Variants in ERBB4 observed in about 807,000 individuals in gnomAD.
ERBB4 encodes erb-b2 receptor tyrosine kinase 4, also known as receptor tyrosine-protein kinase erbB-4.
Under a neutral mutation model 158.0 loss-of-function variants are expected in ERBB4, and 42 were observed. That is an observed-to-expected ratio of 0.27 (90% CI 0.21 to 0.34). The LOEUF is 0.34. Ranked by LOEUF, ERBB4 falls within the 10% of genes least tolerant of loss-of-function variation. The pLI is 1.00. For missense variants in ERBB4, 1,333 were observed against 1,624.1 expected, an observed-to-expected ratio of 0.82 and a Z score of 3.08; for synonymous variants, 583 against 558.7, an observed-to-expected ratio of 1.04 and a Z score of -0.61.
rs1049729714 is a variant in ERBB4 at position 212,230,458 on chromosome 2, T to C, written c.83-105555A>G. ...ATGCAAAATTGGCTTTCAGAGGCTA[T>C]TGAGGTAAAATATATTTTTGTCAAA... On this transcript the variant is annotated intron_variant, in intron 1 of 27. Coordinates refer to ENST00000342788, the MANE Select transcript of ERBB4 (RefSeq NM_005235.3). Among the ~76,000 whole-genome samples, 4 of 152,188 alleles carry C rather than the reference T, an allele frequency of 2.6e-5. No homozygotes were observed. The South Asian group carries it at 6.2e-4, about 24-fold the overall frequency.
intron 3 of ERBB4, among the ~76,000 whole-genome samples, chr2:211,854,478 A>C (rs13028597): frequency 1.3e-5 from 2 of 152,130 alleles, no homozygotes; most frequent in East Asian, 3.9e-4. Flanking sequence ...GTGTCCCTTC[A>C]CAATTGCTAC....
intron 1 of ERBB4, among the ~76,000 whole-genome samples, chr2:212,414,424 A>C (rs2091592468): frequency 6.6e-6 from 1 of 152,172 alleles, no homozygotes; most frequent in African/African-American, 2.4e-5. Flanking sequence ...CTTGCGTACC[A>C]GAAGTTCATC....
intron 20 of ERBB4, among the ~76,000 whole-genome samples, chr2:211,460,026 C>T (rs1464348813): frequency 6.6e-6 from 1 of 151,918 alleles, no homozygotes; most frequent in East Asian, 1.9e-4. Context: ...TTAACATTTT[C>T]CCTTTATTCA....
intron 1 of ERBB4, among the ~76,000 whole-genome samples, chr2:212,506,834 C>T (rs1044141873): frequency 4.6e-5 from 7 of 152,166 alleles, no homozygotes; most frequent in Non-Finnish European, 8.8e-5. Context: ...GTAGAATCTG[C>T]AGCAAGTTAT....
chr2:212,321,161 A>G (rs1274642231), intron 1 of ERBB4, among the ~76,000 whole-genome samples: 1 of 150,338 alleles, frequency 6.7e-6, no homozygotes, highest in African/African-American at 2.4e-5. Flanking sequence ...TGTAACATGC[A>G]CTATGTTATT....
chr2:211,663,119 A>G (rs2071494674), intron 15 of ERBB4, among the ~76,000 whole-genome samples: 1 of 152,192 alleles, frequency 6.6e-6, no homozygotes, highest in African/African-American at 2.4e-5. Context: ...TGCTTCAGTA[A>G]AATATCTCAA....
intron 2 of ERBB4, among the ~76,000 whole-genome samples, chr2:212,055,276 G>C (rs574941589): frequency 2.6e-5 from 4 of 152,336 alleles, no homozygotes; most frequent in Non-Finnish European, 5.9e-5. Context: ...GCTGAGGCTT[G>C]AGTAGGTAAA....
intron 1 of ERBB4, among the ~76,000 whole-genome samples, chr2:212,404,463 A>C (rs1574856315): frequency 6.6e-6 from 1 of 152,172 alleles, no homozygotes; most frequent in Middle Eastern, 3.4e-3. Context: ...CTATGTGCCC[A>C]ACACCTAGTG....
At chr2:211,931,342 A>G (rs2080169625) in intron 3 of ERBB4, among the ~76,000 whole-genome samples, 1 of 152,146 alleles carries the variant, frequency 6.6e-6, no homozygotes, top group South Asian at 2.1e-4. Flanking sequence ...TCTCTATGCC[A>G]GAAAATAAAT....
At position 212,249,071 on chromosome 2, in the gene ERBB4, C is replaced by CT. The variant is rs571127632; in HGVS notation, c.83-124169_83-124168insA. Among the ~76,000 whole-genome samples the CT allele has an allele frequency of 4.8e-3, 737 of 152,126 alleles. 7 individuals are homozygous for CT. Among genetic ancestry groups the CT allele is most frequent in the Middle Eastern group, 0.017 (5 of 294 alleles). On this transcript the variant is annotated intron_variant, in intron 1 of 27. Coordinates refer to ENST00000342788, the MANE Select transcript of ERBB4 (RefSeq NM_005235.3). ...TAATTTATATTTGGGGTTATTTTAA[C>CT]AGGAACTAGACCAGCAACAGACCTT...
At chr2:211,879,972 T>A (rs1411493857) in intron 3 of ERBB4, among the ~76,000 whole-genome samples, 1 of 150,484 alleles carries the variant, frequency 6.6e-6, no homozygotes, top group African/African-American at 2.4e-5. Context: ...CAATATATTA[T>A]TAATATATAT....
At chr2:211,497,790 A>G (rs1391816422) in intron 20 of ERBB4, among the ~76,000 whole-genome samples, 1 of 152,148 alleles carries the variant, frequency 6.6e-6, no homozygotes, top group Non-Finnish European at 1.5e-5. Flanking sequence ...AGTAAATAAA[A>G]TATACCTTGC....
rs1444094821 is a variant in ERBB4 at position 211,852,844 on chromosome 2, A to G, written c.422-64685T>C. Among the ~76,000 whole-genome samples the G allele has an allele frequency of 3.9e-5, 6 of 151,952 alleles. No homozygotes were observed. In the East Asian group the frequency reaches 1.2e-3, roughly 29 times the overall value. On this transcript the variant is annotated intron_variant, in intron 3 of 27. Coordinates refer to ENST00000342788, the MANE Select transcript of ERBB4 (RefSeq NM_005235.3). ...TCAGCTCAATACTACCTAAACAAGAAGTGAGTTGCAAGATCCTTTCTCTGG... is the reference window on the plus strand; with the variant it reads ...TCAGCTCAATACTACCTAAACAAGAGGTGAGTTGCAAGATCCTTTCTCTGG...
chr2:211,831,095 T>C lies in ERBB4; in HGVS notation c.422-42936A>G, dbSNP rs571816143. ...AAAAACAGCAAACATTATTTGCTAA[T>C]GAAAAAGTACTTAGCTTGGAGATGA... is the stretch of plus-strand genomic sequence containing the variant. On this transcript the variant is annotated intron_variant, in intron 3 of 27. Coordinates refer to ENST00000342788, the MANE Select transcript of ERBB4 (RefSeq NM_005235.3). Among the ~76,000 whole-genome samples, 8 of 152,284 alleles carry C rather than the reference T, an allele frequency of 5.3e-5. No individual in the cohort carries two copies. In the East Asian group the frequency reaches 1.5e-3, roughly 29 times the overall value.
At chr2:211,555,986 G>A (rs774299073) in intron 20 of ERBB4, among the ~76,000 whole-genome samples, 1 of 152,128 alleles carries the variant, frequency 6.6e-6, no homozygotes, top group Non-Finnish European at 1.5e-5. Context: ...AATCTTGAAC[G>A]TAAATGGGCT....
intron 1 of ERBB4, among the ~76,000 whole-genome samples, chr2:212,135,437 T>TGATTTTTAATGTATCATATCAAATAAC (rs1248331455): frequency 2.0e-5 from 3 of 152,040 alleles, no homozygotes; most frequent in Admixed American, 6.5e-5. Flanking sequence ...AAATTGCAAA[T>TGATTTTTAATGTATCATATCAAATAAC]GATTTTTAAT....
At chr2:212,106,887 A>G (rs1275460928) in intron 2 of ERBB4, among the ~76,000 whole-genome samples, 2 of 152,194 alleles carry the variant, frequency 1.3e-5, no homozygotes, top group African/African-American at 4.8e-5. Context: ...CATGGTGTTG[A>G]CCCTGGTGGT....
chr2:212,535,567 A>G (rs1273148794), intron 1 of ERBB4, among the ~76,000 whole-genome samples: 1 of 152,194 alleles, frequency 6.6e-6, no homozygotes, highest in African/African-American at 2.4e-5. Context: ...TACCACCTCA[A>G]TGCTACTATA....
chr2:212,087,495 G>T (rs1443376357), intron 2 of ERBB4, among the ~76,000 whole-genome samples: 1 of 152,028 alleles, frequency 6.6e-6, no homozygotes, highest in Non-Finnish European at 1.5e-5. Context: ...CATAGTAAGT[G>T]CTTAACAAAT....
Sources: allele counts gnomAD v4.1 joint callset (sites outside exome capture counted in the v4.1 genomes callset), GRCh38; gene constraint gnomAD v4.1.1; transcripts MANE v1.5; gene names NCBI Gene and HGNC (gene_info 2026-07-23, HGNC 2026-07-21).